Variants in MAP4K5 observed in about 807,000 individuals in gnomAD.
The protein encoded by MAP4K5 is mitogen-activated protein kinase kinase kinase kinase 5.
A neutral mutation model predicts 135.6 loss-of-function variants in MAP4K5; 82 were observed. The observed-to-expected ratio is 0.60, with a 90% CI of 0.51 to 0.73. MAP4K5 has a LOEUF of 0.73. MAP4K5 is among the 30% of genes least tolerant of loss of function. The pLI is 0.00. For synonymous variants in MAP4K5, 347 were observed against 335.0 expected (o/e 1.04, Z -0.39); for missense variants, 907 against 1,010.9 (o/e 0.90, Z 1.39).
chr14:50,502,387 T>C (rs1013822631), intron 3 of MAP4K5, among the ~76,000 whole-genome samples: 9 of 152,118 alleles, frequency 5.9e-5, no homozygotes, highest in African/African-American at 1.7e-4. Flanking sequence ...AGAGACAAAA[T>C]ATAACCAATA....
At chr14:50,514,378 C>T (rs1595534700) in intron 2 of MAP4K5, among the ~76,000 whole-genome samples, 1 of 152,058 alleles carries the variant, frequency 6.6e-6, no homozygotes. Flanking sequence ...CCACTAGTCC[C>T]GGCTGAAACA....
upstream of MAP4K5, among the ~76,000 whole-genome samples, chr14:50,534,096 C>T (rs560841388): frequency 9.9e-5 from 15 of 152,186 alleles, no homozygotes; most frequent in Non-Finnish European, 1.8e-4. Context: ...TATCTTAGCA[C>T]TTGTTTACTG....
chr14:50,559,502 A>C (rs1293096179), intron 1 of MAP4K5: 2 of 152,226 alleles, frequency 1.3e-5, no homozygotes, highest in East Asian at 3.8e-4. Flanking sequence ...CAGACTATGT[A>C]GTATGATTTC....
At chr14:50,448,118 A>G (rs1053721870) in intron 15 of MAP4K5, among the ~76,000 whole-genome samples, 1 of 152,068 alleles carries the variant, frequency 6.6e-6, no homozygotes, top group African/African-American at 2.4e-5. Flanking sequence ...GGTTCAAGCA[A>G]TTCTCCCTGC....
rs1021586735 is a variant in MAP4K5 at position 50,418,530 on chromosome 14, T to C, written c.*1489A>G. On this transcript the variant is annotated 3_prime_UTR_variant, in exon 33 of 33. Transcript: ENST00000682126. The stretch of plus-strand genomic sequence containing the variant: ...AATAAATAACTTTATATTCCATTTG[T>C]ATAACATTTTATTGTTTGCGTATTG... The C allele has an allele frequency of 3.3e-5, 5 of 152,678 alleles. No homozygotes were observed. The highest frequency in any genetic ancestry group is 4.8e-5 in the African/African-American group (2 of 41,460). The allele number at this position is 152,678 out of a possible 1,614,324, so 9.5% of individuals were successfully genotyped here.
chr14:50,488,685 T>C (rs1475169369), intron 3 of MAP4K5, among the ~76,000 whole-genome samples: 3 of 152,284 alleles, frequency 2.0e-5, no homozygotes, highest in Middle Eastern at 3.4e-3. Flanking sequence ...AGCAGCTATG[T>C]GAGGTTTCTA....
At chr14:50,485,925 G>T (rs2139930710) in intron 4 of MAP4K5, 179 bp downstream of exon 4, 1 of 538,028 alleles carries the variant, frequency 1.9e-6, no homozygotes, top group South Asian at 2.9e-5. Flanking sequence ...ATAAAAATGG[G>T]AGTACCATTA....
chr14:50,508,199 G>A (rs1242794556), intron 2 of MAP4K5, among the ~76,000 whole-genome samples: 1 of 151,760 alleles, frequency 6.6e-6, no homozygotes, highest in Non-Finnish European at 1.5e-5. Context: ...CCATTTCCTT[G>A]GTAGATTTTC....
intron 1 of MAP4K5, 33 bp from the exon 2 acceptor site, chr14:50,532,191 T>G: frequency 1.6e-6 from 1 of 606,358 alleles, no homozygotes; most frequent in Non-Finnish European, 2.9e-6. Flanking sequence ...CTGGTTGGCG[T>G]CGCAGGCTAC....
intron 3 of MAP4K5, among the ~76,000 whole-genome samples, chr14:50,495,745 T>C (rs1244172252): frequency 1.3e-5 from 2 of 152,220 alleles, no homozygotes; most frequent in African/African-American, 4.8e-5. Flanking sequence ...AAGGAAATCC[T>C]GTCATATGCT....
chr14:50,529,415 C>G (rs1189327602), intron 2 of MAP4K5, among the ~76,000 whole-genome samples: 10 of 152,008 alleles, frequency 6.6e-5, no homozygotes, highest in Admixed American at 6.6e-4. Context: ...GAAGGCATTA[C>G]AGGAATACAT....
chr14:50,441,530 G>A (rs2139701116), intron 21 of MAP4K5, among the ~76,000 whole-genome samples: 1 of 152,130 alleles, frequency 6.6e-6, no homozygotes, highest in South Asian at 2.1e-4. Flanking sequence ...GTTGACATCA[G>A]AAGTTGAGGA....
At chr14:50,494,203 T>C (rs2037546759) in intron 3 of MAP4K5, among the ~76,000 whole-genome samples, 1 of 151,990 alleles carries the variant, frequency 6.6e-6, no homozygotes, top group South Asian at 2.1e-4. Flanking sequence ...GAGTCTCGCC[T>C]GTCACCCAGG....
At chr14:50,515,055 C>T (rs2140064192) in intron 2 of MAP4K5, among the ~76,000 whole-genome samples, 1 of 152,232 alleles carries the variant, frequency 6.6e-6, no homozygotes, top group South Asian at 2.1e-4. Flanking sequence ...AGGCACTCGC[C>T]GCCACGCTAG....
At chr14:50,464,434 CT>C (rs2036785367) in intron 11 of MAP4K5, among the ~76,000 whole-genome samples, 2 of 152,074 alleles carry the variant, frequency 1.3e-5, no homozygotes, top group Non-Finnish European at 2.9e-5. Flanking sequence ...TCAAAATGTC[CT>C]TTTCTCATTG....
chr14:50,457,867 T>A (rs1356940928), intron 13 of MAP4K5, among the ~76,000 whole-genome samples: 1 of 152,216 alleles, frequency 6.6e-6, no homozygotes, highest in Non-Finnish European at 1.5e-5. Context: ...TAATTTCAAG[T>A]AATTTCTTGC....
chr14:50,474,883 A>G (rs1196820688), intron 9 of MAP4K5, among the ~76,000 whole-genome samples, 194 bp downstream of exon 9: 1 of 152,232 alleles, frequency 6.6e-6, no homozygotes, highest in Non-Finnish European at 1.5e-5. Context: ...AATTATTAGC[A>G]CTTCTACAGA....
intron 13 of MAP4K5, among the ~76,000 whole-genome samples, chr14:50,458,776 C>T (rs1330432351): frequency 6.6e-6 from 1 of 152,026 alleles, no homozygotes; most frequent in East Asian, 1.9e-4. Flanking sequence ...TGTATCTAAT[C>T]ACTCTCAAAT....
At chr14:50,445,561 G>A (rs776499871) in intron 17 of MAP4K5, among the ~76,000 whole-genome samples, 1 of 151,920 alleles carries the variant, frequency 6.6e-6, no homozygotes, top group Admixed American at 6.6e-5. Flanking sequence ...ACCTGTTTTT[G>A]CCTTTTTCTT....
Sources: allele counts gnomAD v4.1 joint callset (sites outside exome capture counted in the v4.1 genomes callset), GRCh38; gene constraint gnomAD v4.1.1; transcripts MANE v1.5; gene names NCBI Gene and HGNC (gene_info 2026-07-23, HGNC 2026-07-21).